Variants in ARNT2 observed in about 807,000 individuals in gnomAD.
ARNT2 encodes ARNT protein 2.
In ARNT2, 36 loss-of-function variants were observed where a neutral mutation model predicts 91.7. The observed-to-expected ratio is 0.39, with a 90% CI of 0.30 to 0.52. The LOEUF is 0.52. Among genes scored for constraint, ARNT2 ranks in the 20% least tolerant of loss-of-function variants. The pLI is 0.72. For synonymous variants in ARNT2, 365 were observed against 347.1 expected, an observed-to-expected ratio of 1.05 and a Z score of -0.57; for missense variants, 775 against 939.3, an observed-to-expected ratio of 0.83 and a Z score of 2.29.
intron 11 of ARNT2, 46 bp downstream of exon 11, chr15:80,555,185 ACCT>A: frequency 6.3e-7 from 1 of 1,594,160 alleles, no homozygotes; most frequent in Non-Finnish European, 8.6e-7. Context: ...TAGTCTGGGC[ACCT>A]GTGGATGTGG....
At chr15:80,527,900 G>A (rs867183106) in intron 8 of ARNT2, among the ~76,000 whole-genome samples, 106 of 152,260 alleles carry the variant, frequency 7.0e-4, no homozygotes, top group Middle Eastern at 6.8e-3. Flanking sequence ...TGGGGAGGGG[G>A]CCTTGTGTGC....
At chr15:80,582,256 G>A (rs1459490778) in intron 17 of ARNT2, among the ~76,000 whole-genome samples, 1 of 151,260 alleles carries the variant, frequency 6.6e-6, no homozygotes, top group African/African-American at 2.4e-5. Context: ...ACTTTGAAAG[G>A]TCAAGGTGGC....
chr15:80,533,294 G>T (rs1482358171), intron 8 of ARNT2, among the ~76,000 whole-genome samples: 1 of 152,236 alleles, frequency 6.6e-6, no homozygotes, highest in Non-Finnish European at 1.5e-5. Flanking sequence ...ACAGGGAAGA[G>T]TGTGGAGCAG....
At chr15:80,463,575 CTTTTT>C (rs11358638) in intron 3 of ARNT2, among the ~76,000 whole-genome samples, 1 of 113,186 alleles carries the variant, frequency 8.8e-6, no homozygotes, top group Non-Finnish European at 1.8e-5. Context: ...GGGTGATTTC[CTTTTT>C]TTTTTTTTTT....
chr15:80,583,391 A>G lies in ARNT2; in HGVS notation c.1918+1987A>G, dbSNP rs543306809. ...CCTCTGTCTAGTCTCCACTAAACAAATGCCAGGCCCTGAAGTATAAATGGA... is the reference window on the plus strand; with the variant it reads ...CCTCTGTCTAGTCTCCACTAAACAAGTGCCAGGCCCTGAAGTATAAATGGA... On this transcript the variant is annotated intron_variant, in intron 17 of 18. Transcript: ENST00000303329. 1.2e-4 allele frequency among the ~76,000 whole-genome samples: 19 copies of G among 152,200 alleles called. No individual in the cohort carries two copies. The South Asian group carries it at 3.1e-3, about 25-fold the overall frequency.
In ARNT2 at chr15:80,574,220, G is replaced by C. The variant is rs756366311; in HGVS notation, c.1389G>C (p.Gln463His). 1 of 1,614,066 alleles carries C rather than the reference G, an allele frequency of 6.2e-7. No homozygotes were observed. The highest frequency in any genetic ancestry group is 1.3e-5 in the African/African-American group (1 of 75,044). ...GATTGTCATCGTATGACTTATCCCA[G>C]GTGAGTTTCTGGAAAACCCTTTCCC... ...RDGLSSYDLS[Q>H]VPVPNLPAGV... Residue 463 changes from glutamine (Q) to histidine (H), a missense_variant and splice_region_variant, in exon 13 of 19, where the codon CAG becomes CAC. Gln to His is a conservative substitution (Grantham distance 24, BLOSUM62 0). Around this residue, in one of 5 missense-constraint regions of ARNT2, gnomAD observed 325 missense variants for 359.9 expected, o/e 0.90. Transcript: ENST00000303329.
chr15:80,475,414 G>C, intron 5 of ARNT2, 191 bp downstream of exon 5: 1 of 531,776 alleles, frequency 1.9e-6, no homozygotes. Flanking sequence ...CAAAAAATTT[G>C]CCAGGCGTGG....
intron 5 of ARNT2, among the ~76,000 whole-genome samples, chr15:80,484,730 G>A (rs1025961753): frequency 1.3e-5 from 2 of 152,224 alleles, no homozygotes; most frequent in Admixed American, 6.5e-5. Flanking sequence ...TTTTGCACAC[G>A]TTGCTGACTC....
chr15:80,458,651 AC>A lies in ARNT2; in HGVS notation c.194+679del, dbSNP rs1384672584. The stretch of plus-strand genomic sequence containing the variant: ...ATACGTGAAGGATAAGGCAGGCCCA[AC>A]CCCATGACTGTGTCTTTTTTTTTTT... On this transcript the variant is annotated intron_variant, in intron 3 of 18. Coordinates refer to ENST00000303329, the MANE Select transcript of ARNT2 (RefSeq NM_014862.4). Among the ~76,000 whole-genome samples, 14 of 150,242 alleles carry A rather than the reference AC, an allele frequency of 9.3e-5. 1 individual carries two copies. The South Asian group carries it at 2.7e-3, about 30-fold the overall frequency.
In ARNT2 at chr15:80,467,574, G is replaced by A. The variant is rs150169356; in HGVS notation, c.195-2644G>A. On this transcript the variant is annotated intron_variant, in intron 3 of 18. Transcript: ENST00000303329. Reference sequence around the variant, plus strand: ...GGTGTCTGGCGGGCAAGTGCGGGGCGGTGGCGTGCAGCCCTGGACCTAACT... The same window carrying A: ...GGTGTCTGGCGGGCAAGTGCGGGGCAGTGGCGTGCAGCCCTGGACCTAACT... 2.3e-3 allele frequency among the ~76,000 whole-genome samples: 349 copies of A among 152,276 alleles called. 5 individuals carry two copies. In the East Asian group the frequency reaches 0.029, roughly 13 times the overall value.
chr15:80,512,060 G>A (rs1031160863), intron 6 of ARNT2, among the ~76,000 whole-genome samples: 5 of 152,178 alleles, frequency 3.3e-5, no homozygotes, highest in Non-Finnish European at 7.3e-5. Flanking sequence ...GCACTGGGGC[G>A]TCCGTTGCGT....
intron 1 of ARNT2, among the ~76,000 whole-genome samples, chr15:80,405,627 C>G (rs573141338): frequency 6.6e-6 from 1 of 152,122 alleles, no homozygotes; most frequent in African/African-American, 2.4e-5. Context: ...ACCTTGAAAA[C>G]GGGAATGTTT....
intron 17 of ARNT2, among the ~76,000 whole-genome samples, chr15:80,590,584 GT>G (rs1280690532): frequency 6.6e-6 from 1 of 152,248 alleles, no homozygotes; most frequent in South Asian, 2.1e-4. Context: ...AAAAAAAAAT[GT>G]TTTTTAATTA....
Position 80,574,993 on chromosome 15 carries a change from G to C in ARNT2, c.1396G>C (p.Val466Leu). The change falls in exon 14 of 19, where the codon GTC (valine) becomes CTC (leucine). Residue 466 changes from valine to leucine, a missense_variant. Physicochemically the swap from Val to Leu is conservative, Grantham distance 32. Coordinates refer to ENST00000303329, the MANE Select transcript of ARNT2 (RefSeq NM_014862.4). ...LSSYDLSQVP[V>L]PNLPAGVHEA... ...TTATTTAATGTGCAAATAGGTCCCCGTCCCCAACCTACCAGCCGGTGTTCA... is the reference window on the plus strand; with the variant it reads ...TTATTTAATGTGCAAATAGGTCCCCCTCCCCAACCTACCAGCCGGTGTTCA... The C allele has an allele frequency of 6.2e-7, 1 of 1,614,026 alleles. No homozygotes were observed. The highest frequency in any genetic ancestry group is 8.5e-7 in the Non-Finnish European group (1 of 1,179,920).
chr15:80,495,351 T>C (rs113214258), intron 5 of ARNT2, among the ~76,000 whole-genome samples: 1,576 of 152,338 alleles, frequency 0.01, 28 homozygotes, highest in African/African-American at 0.036. Context: ...TCTCCCGACA[T>C]GGCTGGACAC....
chr15:80,507,767 A>G (rs545872606), intron 5 of ARNT2, among the ~76,000 whole-genome samples: 1 of 152,360 alleles, frequency 6.6e-6, no homozygotes, highest in Admixed American at 6.5e-5. Context: ...GCGCGGTCGC[A>G]TAAAGCCCAG....
chr15:80,504,947 G>A (rs1428362772), intron 5 of ARNT2, among the ~76,000 whole-genome samples: 1 of 152,104 alleles, frequency 6.6e-6, no homozygotes, highest in Admixed American at 6.6e-5. Flanking sequence ...GAGTATGAGA[G>A]GAGGGCAGGG....
At position 80,404,574 on chromosome 15, in the gene ARNT2, C is replaced by A; in HGVS notation, c.31+28C>A. 1.8e-6 allele frequency: 2 copies of A among 1,084,404 alleles called. No homozygotes were observed. The highest frequency in any genetic ancestry group is 3.9e-4 in the Middle Eastern group (1 of 2,540). 67.2% of individuals were successfully genotyped at this position (1,084,404 alleles called of 1,614,324 possible). A position where few individuals can be genotyped will look rare whatever the true frequency, so the allele number is the denominator to read the frequency against. On this transcript the variant is annotated intron_variant, in intron 1 of 18. Transcript: ENST00000303329. This position sits in a 1 kb window ranked among gnomAD's most constrained non-coding sequence, Gnocchi z 5.5. ...GAGTAGCGGCCTGGGCCCCGCCGCC[C>A]GCCGCAGCCCGCAGGCCTTGCCCGG... is the stretch of plus-strand genomic sequence containing the variant.
chr15:80,499,852 T>C (rs1897167545), intron 5 of ARNT2, among the ~76,000 whole-genome samples: 1 of 152,194 alleles, frequency 6.6e-6, no homozygotes, highest in Admixed American at 6.5e-5. Context: ...AGGATTAGTA[T>C]GAGAGCTATT....
Sources: allele counts gnomAD v4.1 joint callset (sites outside exome capture counted in the v4.1 genomes callset), GRCh38; gene constraint gnomAD v4.1.1; regional missense constraint gnomAD v4.1.1; non-coding constraint Gnocchi (gnomAD v3.1); transcripts MANE v1.5; gene names NCBI Gene and HGNC (gene_info 2026-07-23, HGNC 2026-07-21).